The following NEDD4L variants were observed in gnomAD, a reference collection of about 807,000 sequenced individuals.
The protein encoded by NEDD4L is E3 ubiquitin-protein ligase NEDD4-like.
NEDD4L carries 54 observed loss-of-function variants against 148.9 expected under a neutral mutation model. That is an observed-to-expected ratio of 0.36 (90% confidence interval 0.29 to 0.45). NEDD4L has a LOEUF of 0.45. Ranked by LOEUF, NEDD4L falls within the 20% of genes least tolerant of loss-of-function variation. NEDD4L has a pLI of 1.00. For synonymous variants in NEDD4L, 433 were observed against 440.7 expected (o/e 0.98, Z 0.22); for missense variants, 856 against 1,233.8 (o/e 0.69, Z 4.59).
chr18:58,252,350 A>G (rs1350378394), intron 5 of NEDD4L, among the ~76,000 whole-genome samples: 1 of 152,230 alleles, frequency 6.6e-6, no homozygotes, highest in Non-Finnish European at 1.5e-5. Flanking sequence ...GGAATACAGA[A>G]CGGTAGGCAG....
intron 18 of NEDD4L, among the ~76,000 whole-genome samples, chr18:58,355,739 T>C (rs768396344): frequency 3.9e-5 from 6 of 152,128 alleles, no homozygotes; most frequent in Non-Finnish European, 8.8e-5. Flanking sequence ...GTTGAGATTT[T>C]TCATGTAAAT....
At chr18:58,276,196 T>G (rs1394564076) in intron 5 of NEDD4L, among the ~76,000 whole-genome samples, 82 of 86,690 alleles carry the variant, frequency 9.5e-4, no homozygotes, top group African/African-American at 2.8e-3. Context: ...TCTTTTTCGT[T>G]TTTTTTTTTT....
chr18:58,319,000 T>C (rs17756149), intron 6 of NEDD4L, among the ~76,000 whole-genome samples: 28,999 of 152,158 alleles, frequency 0.19, 2,997 homozygotes, highest in East Asian at 0.29. Context: ...AGGGTGGTGG[T>C]ATTATTTGAT....
intron 2 of NEDD4L, among the ~76,000 whole-genome samples, chr18:58,220,944 A>G (rs958951089): frequency 6.6e-6 from 1 of 152,124 alleles, no homozygotes; most frequent in Non-Finnish European, 1.5e-5. Context: ...CAAGGCCCTG[A>G]TTTACACCTA....
At chr18:58,047,327 G>T in intron 1 of NEDD4L, 1 of 985,040 alleles carries the variant, frequency 1.0e-6, no homozygotes, top group South Asian at 4.7e-5. Context: ...TTTGATTTGA[G>T]ATTGTTGAAA....
chr18:58,264,321 C>T (rs984893578), intron 5 of NEDD4L, among the ~76,000 whole-genome samples: 1 of 152,032 alleles, frequency 6.6e-6, no homozygotes, highest in Non-Finnish European at 1.5e-5. Context: ...ATTATATTAG[C>T]AAGAGAAGCT....
At chr18:58,222,467 T>C (rs1319011420) in intron 2 of NEDD4L, among the ~76,000 whole-genome samples, 3 of 152,252 alleles carry the variant, frequency 2.0e-5, no homozygotes, top group African/African-American at 7.2e-5. Context: ...CATATTCAAC[T>C]GAGTTTTTCC....
intron 2 of NEDD4L, among the ~76,000 whole-genome samples, chr18:58,188,779 T>C (rs1052823430): frequency 4.6e-5 from 7 of 152,276 alleles, no homozygotes; most frequent in African/African-American, 1.7e-4. Flanking sequence ...AGACTGTCTC[T>C]TCACAAGTAA....
chr18:58,092,675 C>T (rs1025598205), intron 1 of NEDD4L, among the ~76,000 whole-genome samples: 1 of 151,848 alleles, frequency 6.6e-6, no homozygotes, highest in East Asian at 1.9e-4. Flanking sequence ...AGAAGACAAG[C>T]AGAAGAGAAT....
At chr18:58,351,244 C>G (rs1765493126) in intron 18 of NEDD4L, 199 bp downstream of exon 18, 1 of 892,576 alleles carries the variant, frequency 1.1e-6, no homozygotes, top group Non-Finnish European at 1.3e-6. Context: ...GCCCATCAAA[C>G]TTTCACCCAA....
intron 5 of NEDD4L, among the ~76,000 whole-genome samples, chr18:58,287,293 G>C (rs2054067600): frequency 1.3e-5 from 2 of 152,148 alleles, no homozygotes; most frequent in African/African-American, 4.8e-5. Flanking sequence ...CTGCATACTT[G>C]CTTTACAGAC....
Position 58,370,514 on chromosome 18 carries a change from C to G in NEDD4L, c.2256+47C>G, listed in dbSNP as rs769441263. 3.2e-6 allele frequency: 4 copies of G among 1,254,552 alleles called. No individual in the cohort carries two copies. In the Admixed American group the frequency reaches 5.1e-5, roughly 16 times the overall value. 77.7% of individuals were successfully genotyped at this position (1,254,552 alleles called of 1,614,324 possible). A position where few individuals can be genotyped will look rare whatever the true frequency, so the allele number is the denominator to read the frequency against. The stretch of plus-strand genomic sequence containing the variant: ...ACTGGCCATCACCGGGCACTCGTGT[C>G]TTATGAGAAGGTATTGGAGAGCCAT... On this transcript the variant is annotated intron_variant, in intron 23 of 30. Coordinates refer to ENST00000400345, the MANE Select transcript of NEDD4L (RefSeq NM_001144967.3).
intron 5 of NEDD4L, among the ~76,000 whole-genome samples, chr18:58,281,985 A>G (rs2053189607): frequency 2.0e-5 from 3 of 151,652 alleles, no homozygotes; most frequent in African/African-American, 7.3e-5. Flanking sequence ...AGATCGCGCC[A>G]CTGCACTCCA....
Position 58,174,455 on chromosome 18 carries a change from G to A in NEDD4L, c.122+8594G>A, listed in dbSNP as rs182754357. The stretch of plus-strand genomic sequence containing the variant: ...GAAGGTGGGGTTTCACCGGGGACCC[G>A]CCCCTATCTGCCCAGGCGTTTGGCT... On this transcript the variant is annotated intron_variant, in intron 2 of 30. Coordinates refer to ENST00000400345, the MANE Select transcript of NEDD4L (RefSeq NM_001144967.3). Among the ~76,000 whole-genome samples, 321 of 152,238 alleles carry A rather than the reference G, an allele frequency of 2.1e-3. 2 individuals are homozygous for A. Among genetic ancestry groups the A allele is most frequent in the African/African-American group, 7.6e-3 (316 of 41,532 alleles).
chr18:58,211,678 A>G (rs1488524777), intron 2 of NEDD4L, among the ~76,000 whole-genome samples: 4 of 152,262 alleles, frequency 2.6e-5, no homozygotes, highest in African/African-American at 9.6e-5. Context: ...AGGAGCCAAG[A>G]CAAATATGGA....
intron 1 of NEDD4L, among the ~76,000 whole-genome samples, chr18:58,119,954 T>A (rs2086117195): frequency 6.6e-6 from 1 of 152,140 alleles, no homozygotes; most frequent in African/African-American, 2.4e-5. Flanking sequence ...TTAATCTCCC[T>A]CTGCAGCAGA....
chr18:58,092,304 G>C (rs1230752700), intron 1 of NEDD4L, among the ~76,000 whole-genome samples: 1 of 152,182 alleles, frequency 6.6e-6, no homozygotes, highest in Non-Finnish European at 1.5e-5. Context: ...ATGGGTGATG[G>C]CATGCTGCAT....
intron 1 of NEDD4L, among the ~76,000 whole-genome samples, chr18:58,088,871 T>C (rs897685536): frequency 1.3e-5 from 2 of 152,130 alleles, no homozygotes; most frequent in African/African-American, 4.8e-5. Context: ...GATGTTCCAG[T>C]TTACTTGTGG....
chr18:58,335,864 G>C (rs1037384441), intron 13 of NEDD4L: 3 of 241,272 alleles, frequency 1.2e-5, no homozygotes, highest in African/African-American at 6.8e-5. Context: ...AGAATGCTTG[G>C]TTAAAGTAAT....
Sources: gnomAD v4.1 joint callset for allele counts (sites outside exome capture counted in the v4.1 genomes callset) on GRCh38, gnomAD v4.1.1 for gene constraint, MANE v1.5 for transcripts, NCBI Gene and HGNC (gene_info 2026-07-23, HGNC 2026-07-21) for gene names.